The following OTOA variants were observed in gnomAD, a reference collection of about 807,000 sequenced individuals.
OTOA encodes cancer/testis antigen 108.
A neutral mutation model predicts 110.8 loss-of-function variants in OTOA; 70 were observed. The observed-to-expected ratio is 0.63, with a 90% CI of 0.52 to 0.77. OTOA has a LOEUF of 0.77. Among genes scored for constraint, OTOA ranks in the 30% least tolerant of loss-of-function variants. OTOA has a pLI of 0.00. For synonymous variants in OTOA, 373 were observed against 431.5 expected, an observed-to-expected ratio of 0.86 and a Z score of 1.68; for missense variants, 917 against 1,075.8, an observed-to-expected ratio of 0.85 and a Z score of 2.06.
chr16:21,678,948 G>C lies in OTOA; in HGVS notation c.120+5G>C, dbSNP rs1343940269. 1 of 1,613,834 alleles carries C rather than the reference G, an allele frequency of 6.2e-7. No individual in the cohort carries two copies. The highest frequency in any genetic ancestry group is 1.1e-5 in the South Asian group (1 of 91,080). On this transcript the variant is annotated splice_donor_5th_base_variant and intron_variant, in intron 3 of 28. Transcript: ENST00000646100. ...CCATTGTTGCAAAACATGGCGGTGA[G>C]TATTCTATTTTCTGTTAATCAGAGT...
At chr16:21,679,700 C>T (rs575568112) in intron 5 of OTOA, among the ~76,000 whole-genome samples, 10 of 152,306 alleles carry the variant, frequency 6.6e-5, no homozygotes, top group African/African-American at 1.4e-4. Flanking sequence ...CCACCGCAAC[C>T]GGCCTAAGAG....
Position 21,715,003 on chromosome 16 carries a change from G to A in OTOA, c.1339G>A (p.Val447Ile). 1 of 1,614,182 alleles carries A rather than the reference G, an allele frequency of 6.2e-7. No homozygotes were observed. Among genetic ancestry groups the A allele is most frequent in the Non-Finnish European group, 8.5e-7 (1 of 1,180,012 alleles). Residue 447 changes from valine to isoleucine, a missense_variant, in exon 14 of 29, where the codon GTC becomes ATC. Physicochemically the swap from Val to Ile is conservative, Grantham distance 29 (BLOSUM62 3). Coordinates refer to ENST00000646100, the MANE Select transcript of OTOA (RefSeq NM_144672.4). ...CTTCCAGGTGCTGTCTTTCTACAATGTCAGCCAGATGGGCGCACTGCTGGC... is the reference window on the plus strand; with the variant it reads ...CTTCCAGGTGCTGTCTTTCTACAATATCAGCCAGATGGGCGCACTGCTGGC... ...AHEKVLSFYN[V>I]SQMGALLAGV...
At chr16:21,736,012 C>A (rs1899283371) in intron 21 of OTOA, among the ~76,000 whole-genome samples, 1 of 152,112 alleles carries the variant, frequency 6.6e-6, no homozygotes, top group African/African-American at 2.4e-5. Flanking sequence ...TTATTTTTGA[C>A]AATCTGATGG....
At chr16:21,674,530 C>T (rs1342527086) in intron 1 of OTOA, among the ~76,000 whole-genome samples, 1 of 152,106 alleles carries the variant, frequency 6.6e-6, no homozygotes, top group Non-Finnish European at 1.5e-5. Flanking sequence ...GATGGGGTTT[C>T]ACCATGTTGG....
At chr16:21,701,975 G>GAGGAAAA (rs1898063326) in intron 11 of OTOA, among the ~76,000 whole-genome samples, 1 of 138,042 alleles carries the variant, frequency 7.2e-6, no homozygotes, top group African/African-American at 2.7e-5. Flanking sequence ...TTTTGAGACA[G>GAGGAAAA]AGTCTCACTT....
intron 1 of OTOA, among the ~76,000 whole-genome samples, chr16:21,667,383 G>A (rs553520488): frequency 6.6e-5 from 10 of 152,026 alleles, no homozygotes; most frequent in African/African-American, 9.7e-5. Context: ...GGCTGGGCGC[G>A]GTGGCTCACG....
chr16:21,667,382 C>CG (rs991576044), intron 1 of OTOA, among the ~76,000 whole-genome samples: 43 of 152,126 alleles, frequency 2.8e-4, no homozygotes, highest in African/African-American at 9.9e-4. Context: ...CGGCTGGGCG[C>CG]GGTGGCTCAC....
At chr16:21,721,316 T>G (rs1404466781) in intron 17 of OTOA, 2 of 454,452 alleles carry the variant, frequency 4.4e-6, no homozygotes, top group African/African-American at 4.0e-5. Context: ...TTCCCCAAAT[T>G]TTCCCCAGAG....
At chr16:21,672,477 G>T (rs1437028492) in intron 1 of OTOA, among the ~76,000 whole-genome samples, 1 of 152,032 alleles carries the variant, frequency 6.6e-6, no homozygotes, top group African/African-American at 2.4e-5. Flanking sequence ...ACAAAAATTA[G>T]CTGGGTGTGG....
chr16:21,695,478 T>C (rs1181816567), intron 9 of OTOA, among the ~76,000 whole-genome samples: 2 of 152,076 alleles, frequency 1.3e-5, no homozygotes, highest in Non-Finnish European at 2.9e-5. Flanking sequence ...TCTTTGTGAA[T>C]GTGTGGTTCT....
chr16:21,758,298 G>A (rs457805), intron 28 of OTOA, among the ~76,000 whole-genome samples: 32,795 of 146,648 alleles, frequency 0.22, 4,026 homozygotes, highest in Non-Finnish European at 0.27. Flanking sequence ...GATGTTCCCT[G>A]CCCTCATTGA....
At position 21,717,052 on chromosome 16, in the gene OTOA, T is replaced by G; in HGVS notation, c.1629+5T>G. 6.2e-7 allele frequency: 1 copy of G among 1,614,060 alleles called. No individual in the cohort carries two copies. Among genetic ancestry groups the G allele is most frequent in the Non-Finnish European group, 8.5e-7 (1 of 1,179,978 alleles). The stretch of plus-strand genomic sequence containing the variant: ...AAGGAACTTGGAAGGAGCCAGGTAT[T>G]ACCATGAAACACAGATCGATCCTGT... On this transcript the variant is annotated splice_donor_5th_base_variant and intron_variant, in intron 15 of 28. Transcript: ENST00000646100.
chr16:21,678,720 GCA>G, intron 2 of OTOA, 115 bp downstream of exon 2: 1 of 1,140,074 alleles, frequency 8.8e-7, no homozygotes, highest in Non-Finnish European at 1.3e-6. Context: ...GTGTGTGTGT[GCA>G]TGTATGATTT....
In OTOA at chr16:21,700,915, GCCA is replaced by G; in HGVS notation, c.872_874del (p.Thr291del). Reference sequence around the variant, plus strand: ...TGGGCTGTTTATCAGCTATGACAACGCCACCAAGCAGCTGGACATGGTCTATGA... The same window carrying G: ...TGGGCTGTTTATCAGCTATGACAACGCCAAGCAGCTGGACATGGTCTATGA... On this transcript the variant is annotated inframe_deletion, in exon 11 of 29. Transcript: ENST00000646100. 1.2e-6 allele frequency: 2 copies of G among 1,613,938 alleles called. No homozygotes were observed. The highest frequency in any genetic ancestry group is 1.7e-6 in the Non-Finnish European group (2 of 1,179,996).
chr16:21,736,464 G>C, intron 22 of OTOA, 74 bp downstream of exon 22: 1 of 1,547,992 alleles, frequency 6.5e-7, no homozygotes, highest in South Asian at 1.1e-5. Flanking sequence ...CTGACATCAA[G>C]AGGCCTCCTT....
intron 20 of OTOA, 89 bp downstream of exon 20, chr16:21,728,520 T>C (rs1022324546): frequency 6.9e-7 from 1 of 1,445,368 alleles, no homozygotes; most frequent in Non-Finnish European, 9.4e-7. Context: ...GCAAACAGAG[T>C]CTCTGGCTTA....
At chr16:21,688,054 G>A (rs1042843720) in intron 8 of OTOA, among the ~76,000 whole-genome samples, 1 of 152,086 alleles carries the variant, frequency 6.6e-6, no homozygotes. Flanking sequence ...GAAGACAAGT[G>A]GGGACAGGTT....
chr16:21,737,030 T>C (rs1271144687), intron 22 of OTOA, among the ~76,000 whole-genome samples: 1 of 152,298 alleles, frequency 6.6e-6, no homozygotes, highest in Admixed American at 6.5e-5. Flanking sequence ...TGCCACTTAC[T>C]GGCTGTGTGG....
chr16:21,687,862 C>A (rs1897751184), intron 8 of OTOA, among the ~76,000 whole-genome samples: 1 of 151,876 alleles, frequency 6.6e-6, no homozygotes, highest in African/African-American at 2.4e-5. Context: ...TGGAGTTTCA[C>A]CATGTTGGCC....
Sources: allele counts gnomAD v4.1 joint callset (sites outside exome capture counted in the v4.1 genomes callset), GRCh38; gene constraint gnomAD v4.1.1; transcripts MANE v1.5; gene names NCBI Gene and HGNC (gene_info 2026-07-23, HGNC 2026-07-21).